CUBN: variants seen among roughly 807,000 people sequenced by gnomAD.
CUBN encodes 460 kDa receptor.
In CUBN, 282 loss-of-function variants were observed where a neutral mutation model predicts 405.3. The ratio of observed to expected loss-of-function variants is 0.70; its 90% CI spans 0.63 to 0.77. CUBN has a LOEUF of 0.77. Among genes scored for constraint, CUBN ranks in the 30% least tolerant of loss-of-function variants. The probability of loss-of-function intolerance (pLI) is 0.00; values close to 1 mark genes in which losing one functional copy is unlikely to be tolerated. For missense variants in CUBN, 4,514 were observed against 4,475.2 expected (o/e 1.01, Z -0.25); for synonymous variants, 1,684 against 1,617.0 (o/e 1.04, Z -0.99).
intron 64 of CUBN, among the ~76,000 whole-genome samples, chr10:16,833,232 T>C (rs1839061132): frequency 6.6e-6 from 1 of 152,196 alleles, no homozygotes; most frequent in African/African-American, 2.4e-5. Flanking sequence ...TCTTTCTGCT[T>C]TACACTTCAT....
In CUBN at chr10:16,961,912, C is replaced by A. The variant is rs1043979160; in HGVS notation, c.4696-7364G>T. Among the ~76,000 whole-genome samples, 17 of 152,138 alleles carry A rather than the reference C, an allele frequency of 1.1e-4. 5 individuals carry two copies. The highest frequency in any genetic ancestry group is 2.0e-4 in the Admixed American group (3 of 15,278). On this transcript the variant is annotated intron_variant, in intron 31 of 66. Coordinates refer to ENST00000377833, the MANE Select transcript of CUBN (RefSeq NM_001081.4). ...TATTTTCAGTAGAGACAAGGTTTCACCGTGTTAGCCAGGATGGTCTCCATC... is the reference window on the plus strand; with the variant it reads ...TATTTTCAGTAGAGACAAGGTTTCAACGTGTTAGCCAGGATGGTCTCCATC...
In CUBN at chr10:17,089,505, C is replaced by T. The variant is rs150031313; in HGVS notation, c.1766-1160G>A. Among the ~76,000 whole-genome samples, 85 of 152,214 alleles carry T rather than the reference C, an allele frequency of 5.6e-4. 1 individual carries two copies. In the East Asian group the frequency reaches 0.015, roughly 27 times the overall value. On this transcript the variant is annotated intron_variant, in intron 14 of 66. Transcript: ENST00000377833. ...TTAAACATATGAAAGGATGTTCAAC[C>T]TCACTCATCACAAAGAAGGAGCAAA...
At chr10:16,963,755 C>T (rs1687712) in intron 31 of CUBN, among the ~76,000 whole-genome samples, 52,330 of 151,944 alleles carry the variant, frequency 0.34, 9,120 homozygotes, top group Middle Eastern at 0.45. Flanking sequence ...CATTACAATG[C>T]AGAAAATGTG....
chr10:16,963,891 G>GA (rs1243199884), intron 31 of CUBN, among the ~76,000 whole-genome samples: 2 of 152,152 alleles, frequency 1.3e-5, no homozygotes, highest in African/African-American at 2.4e-5. Context: ...TGCATATAAT[G>GA]AAAAAACTAT....
chr10:16,838,615 ACT>A (rs897767771), intron 62 of CUBN, among the ~76,000 whole-genome samples: 19 of 152,260 alleles, frequency 1.2e-4, no homozygotes, highest in African/African-American at 3.9e-4. Flanking sequence ...GGAAATTCAG[ACT>A]CAGCCTTTTT....
intron 43 of CUBN, 49 bp from the exon 44 acceptor site, chr10:16,920,186 C>A: frequency 6.4e-7 from 1 of 1,561,476 alleles, no homozygotes; most frequent in South Asian, 1.1e-5. Flanking sequence ...GAAGGGGATG[C>A]AGTCAATGGC....
At position 16,925,650 on chromosome 10, in the gene CUBN, G is replaced by C. The variant is rs1842165229; in HGVS notation, c.6396C>G (p.Val2132=). The C allele has an allele frequency of 6.2e-7, 1 of 1,613,908 alleles. No homozygotes were observed. The highest frequency in any genetic ancestry group is 1.3e-5 in the African/African-American group (1 of 74,892). Residue 2132 remains valine (V), a synonymous_variant, in exon 42 of 67, where the codon GTC becomes GTG. Coordinates refer to ENST00000377833, the MANE Select transcript of CUBN (RefSeq NM_001081.4). The part of the protein sequence containing the change: ...VLVQSGLTIA[V]HFEQPFQIPN... Reference sequence around the variant, plus strand: ...GAATCTGGAAAGGCTGTTCAAAATGGACAGCAATGGTCAGGCCACTTTGGA... The same window carrying C: ...GAATCTGGAAAGGCTGTTCAAAATGCACAGCAATGGTCAGGCCACTTTGGA...
intron 54 of CUBN, among the ~76,000 whole-genome samples, chr10:16,892,046 C>T (rs964034963): frequency 2.0e-5 from 3 of 152,272 alleles, no homozygotes; most frequent in East Asian, 1.9e-4. Context: ...AAGGATATTC[C>T]TCACCCACAG....
chr10:17,099,963 C>A, intron 14 of CUBN, 42 bp downstream of exon 14: 2 of 1,387,166 alleles, frequency 1.4e-6, no homozygotes, highest in Non-Finnish European at 2.1e-6. Context: ...CACTTAATAA[C>A]CTCAAAATTT....
chr10:16,896,220 G>A (rs1163187354), intron 54 of CUBN, among the ~76,000 whole-genome samples: 2 of 152,190 alleles, frequency 1.3e-5, no homozygotes, highest in African/African-American at 2.4e-5. Flanking sequence ...ATGGGGAAAA[G>A]GATATTCTAT....
chr10:16,863,160 C>CA (rs1259813056), intron 59 of CUBN, among the ~76,000 whole-genome samples: 15 of 152,120 alleles, frequency 9.9e-5, no homozygotes, highest in African/African-American at 1.2e-4. Context: ...CTCAGCTCAG[C>CA]AAAAAACCTT....
intron 31 of CUBN, among the ~76,000 whole-genome samples, chr10:16,974,247 G>C (rs1217498903): frequency 6.6e-6 from 1 of 152,120 alleles, no homozygotes; most frequent in African/African-American, 2.4e-5. Flanking sequence ...ATATCACAAA[G>C]TCCAGGCTCA....
intron 14 of CUBN, among the ~76,000 whole-genome samples, chr10:17,094,731 C>G (rs1015829017): frequency 6.6e-6 from 1 of 151,722 alleles, no homozygotes; most frequent in Non-Finnish European, 1.5e-5. Context: ...GAAAACTATA[C>G]CACATTAATG....
chr10:16,914,147 T>C (rs1427014155), intron 47 of CUBN, among the ~76,000 whole-genome samples, 155 bp from the exon 48 acceptor site: 1 of 152,268 alleles, frequency 6.6e-6, no homozygotes, highest in East Asian at 1.9e-4. Flanking sequence ...AGTGAACATA[T>C]ACATTCATTT....
intron 30 of CUBN, 136 bp downstream of exon 30, chr10:16,983,969 T>C (rs1833348616): frequency 2.2e-6 from 2 of 906,220 alleles, no homozygotes; most frequent in African/African-American, 3.3e-5. Context: ...AGGGTATATG[T>C]CAGGTCTCAG....
chr10:16,853,702 G>T (rs981807020), intron 59 of CUBN, among the ~76,000 whole-genome samples: 2 of 152,172 alleles, frequency 1.3e-5, no homozygotes, highest in Non-Finnish European at 2.9e-5. Flanking sequence ...TAAGCAATAC[G>T]CAGTGCTTCA....
intron 17 of CUBN, among the ~76,000 whole-genome samples, chr10:17,075,806 C>T (rs1442514386): frequency 6.6e-6 from 1 of 152,138 alleles, no homozygotes; most frequent in Non-Finnish European, 1.5e-5. Flanking sequence ...TTATCTCTAA[C>T]CAAACAGTAA....
rs138426678 is a variant in CUBN, at chr10:16,919,433, G to A, written c.6821+530C>T. On this transcript the variant is annotated intron_variant, in intron 44 of 66. Transcript: ENST00000377833. ...AAGGAAAGAGAAAAATGTTTTCTAC[G>A]ATCAATATAGTTTTTCTTTCTCTTC... Among the ~76,000 whole-genome samples, 325 of 152,238 alleles carry A rather than the reference G, an allele frequency of 2.1e-3. 1 individual carries two copies. Among genetic ancestry groups the A allele is most frequent in the African/African-American group, 7.2e-3 (300 of 41,546 alleles).
chr10:16,944,610 C>CA (rs1342809975), intron 36 of CUBN, among the ~76,000 whole-genome samples: 2 of 151,940 alleles, frequency 1.3e-5, no homozygotes, highest in African/African-American at 2.4e-5. Context: ...TAATCAACTG[C>CA]AAAAAAAGAG....
Sources: gnomAD v4.1 joint callset for allele counts (sites outside exome capture counted in the v4.1 genomes callset) on GRCh38, gnomAD v4.1.1 for gene constraint, MANE v1.5 for transcripts, NCBI Gene and HGNC (gene_info 2026-07-23, HGNC 2026-07-21) for gene names.